Variants in MRPL39 observed in about 807,000 individuals in gnomAD.
The protein encoded by MRPL39 is mitochondrial ribosomal protein L39.
MRPL39 carries 35 observed loss-of-function variants against 44.5 expected under a neutral mutation model. The observed-to-expected ratio is 0.79, with a 90% CI of 0.60 to 1.04. The LOEUF is 1.04. MRPL39 is among the 50% of genes least tolerant of loss of function. The pLI, the probability that MRPL39 is intolerant of heterozygous loss-of-function variation, is 0.00. For synonymous variants in MRPL39, 139 were observed against 136.1 expected, an observed-to-expected ratio of 1.02 and a Z score of -0.15; for missense variants, 433 against 413.5, an observed-to-expected ratio of 1.05 and a Z score of -0.41.
intron 8 of MRPL39, among the ~76,000 whole-genome samples, chr21:25,591,096 A>C (rs9977683): frequency 0.73 from 106,556 of 146,338 alleles, 39,903 homozygotes; most frequent in Non-Finnish European, 0.82. Flanking sequence ...AAAAAAAAAA[A>C]AAAAAAACCT....
chr21:25,589,081 G>A (rs750270874), intron 8 of MRPL39, among the ~76,000 whole-genome samples, 199 bp from the exon 9 acceptor site: 2 of 152,112 alleles, frequency 1.3e-5, no homozygotes, highest in Non-Finnish European at 2.9e-5. Flanking sequence ...TTCTTCAATC[G>A]CATGAACCCG....
At chr21:25,605,730 CCT>C (rs1297532861) in intron 2 of MRPL39, among the ~76,000 whole-genome samples, 1 of 152,048 alleles carries the variant, frequency 6.6e-6, no homozygotes, top group African/African-American at 2.4e-5. Flanking sequence ...CCACAGCCAC[CCT>C]CTCTCTCAAA....
At chr21:25,590,972 C>T (rs2031157501) in intron 8 of MRPL39, among the ~76,000 whole-genome samples, 1 of 150,966 alleles carries the variant, frequency 6.6e-6, no homozygotes, top group Non-Finnish European at 1.5e-5. Context: ...AATAGGCCTA[C>T]ATAAATATGC....
chr21:25,606,178 C>A (rs1187559523), intron 2 of MRPL39, among the ~76,000 whole-genome samples: 1 of 152,142 alleles, frequency 6.6e-6, no homozygotes, highest in African/African-American at 2.4e-5. Flanking sequence ...GACAGGGTGG[C>A]TATGGTGCCC....
chr21:25,601,732 A>G (rs1214722250), intron 3 of MRPL39, among the ~76,000 whole-genome samples: 3 of 152,222 alleles, frequency 2.0e-5, no homozygotes, highest in Non-Finnish European at 2.9e-5. Context: ...CAACCCCGAC[A>G]GATAGTTTTA....
In MRPL39 at chr21:25,598,502, T is replaced by C. The variant is rs527767579; in HGVS notation, c.589-1088A>G. On this transcript the variant is annotated intron_variant, in intron 5 of 9. Transcript: ENST00000352957. Reference sequence around the variant, plus strand: ...AGTTATGTTTCACAGATAATGAAAATTAAATCTTGACCTCAGTTTTTACCT... The same window carrying C: ...AGTTATGTTTCACAGATAATGAAAACTAAATCTTGACCTCAGTTTTTACCT... Among the ~76,000 whole-genome samples, 185 of 150,462 alleles carry C rather than the reference T, an allele frequency of 1.2e-3. 1 individual carries two copies. The highest frequency in any genetic ancestry group is 4.4e-3 in the African/African-American group (179 of 41,016).
chr21:25,590,795 T>C (rs1363009352), intron 8 of MRPL39, among the ~76,000 whole-genome samples: 8 of 152,050 alleles, frequency 5.3e-5, no homozygotes, highest in Non-Finnish European at 1.0e-4. Flanking sequence ...AAATGGAAAC[T>C]CAAAGAGACT....
Position 25,603,865 on chromosome 21 carries a change from C to A in MRPL39, c.351G>T (p.Lys117Asn), listed in dbSNP as rs114037138. 6.2e-7 allele frequency: 1 copy of A among 1,612,910 alleles called. No individual in the cohort carries two copies. Among genetic ancestry groups the A allele is most frequent in the East Asian group, 2.2e-5 (1 of 44,850 alleles). ...TAATTTCACAGGACTTTGTTAAAGG[C>A]TTATACATGTCCCAAGGCTGTCCAT... ...LVDGQPWDMY[K>N]PLTKSCEIKF... Residue 117 changes from lysine to asparagine, a missense_variant, in exon 3 of 10, where the codon AAG becomes AAT. Transcript: ENST00000352957.
chr21:25,593,034 T>A, intron 7 of MRPL39, 69 bp from the exon 8 acceptor site: 1 of 1,318,256 alleles, frequency 7.6e-7, no homozygotes. Context: ...GAAAAAGAAA[T>A]CTCTTCCTTC....
chr21:25,586,651 T>C (rs1184216551), intron 9 of MRPL39, among the ~76,000 whole-genome samples: 2 of 152,210 alleles, frequency 1.3e-5, no homozygotes, highest in African/African-American at 4.8e-5. Context: ...CTATCCTACA[T>C]GTGACCTGTA....
Position 25,603,895 on chromosome 21 carries a change from C to T in MRPL39, c.321G>A (p.Leu107=). The T allele has an allele frequency of 6.2e-7, 1 of 1,612,152 alleles. No homozygotes were observed. Among genetic ancestry groups the T allele is most frequent in the Non-Finnish European group, 8.5e-7 (1 of 1,179,246 alleles). The change falls in exon 3 of 10, where the codon CTG becomes CTA. Residue 107 remains leucine, a synonymous_variant. Coordinates refer to ENST00000352957, the MANE Select transcript of MRPL39 (RefSeq NM_017446.4). The part of the protein sequence containing the change: ...EWYCRKSILA[L]VDGQPWDMYK... ...ACATGTCCCAAGGCTGTCCATCCAC[C>T]AGAGCCAGAATGGACTTCCTGCAAT...
chr21:25,596,211 G>A (rs547001590), intron 6 of MRPL39, among the ~76,000 whole-genome samples: 15 of 151,976 alleles, frequency 9.9e-5, no homozygotes, highest in African/African-American at 3.6e-4. Context: ...CCATTCTCCT[G>A]CCTCAGCCTC....
In MRPL39 at chr21:25,601,230, G is replaced by T. The variant is rs1352349896; in HGVS notation, c.520+138C>A. 3 of 418,070 alleles carry T rather than the reference G, an allele frequency of 7.2e-6. No individual in the cohort carries two copies. In the East Asian group the frequency reaches 1.2e-4, roughly 17 times the overall value. The allele number at this position is 418,070 out of a possible 1,614,324, so 25.9% of individuals were successfully genotyped here. A position where few individuals can be genotyped will look rare whatever the true frequency, so the allele number is the denominator to read the frequency against. ...AAAGACTACTTCATGTTTCATCATA[G>T]TAAGAAAGATTTTGTTACCCATGAT... On this transcript the variant is annotated intron_variant, in intron 4 of 9. Transcript: ENST00000352957.
chr21:25,594,730 G>A (rs2031302877), intron 6 of MRPL39, among the ~76,000 whole-genome samples: 1 of 152,010 alleles, frequency 6.6e-6, no homozygotes, highest in Non-Finnish European at 1.5e-5. Context: ...CTATATCTCT[G>A]CTTCTAATCT....
chr21:25,588,726 T>G, intron 9 of MRPL39, 109 bp downstream of exon 9: 1 of 1,059,510 alleles, frequency 9.4e-7, no homozygotes, highest in Non-Finnish European at 1.4e-6. Flanking sequence ...ACAACTTACT[T>G]TTTTCCTTTC....
At chr21:25,588,203 T>C (rs2031062852) in intron 9 of MRPL39, among the ~76,000 whole-genome samples, 1 of 151,942 alleles carries the variant, frequency 6.6e-6, no homozygotes, top group Non-Finnish European at 1.5e-5. Context: ...TCCCAGCTAC[T>C]TGGGAGGCTG....
intron 5 of MRPL39, among the ~76,000 whole-genome samples, chr21:25,597,822 G>A (rs989657531): frequency 1.3e-5 from 2 of 152,002 alleles, no homozygotes; most frequent in African/African-American, 4.8e-5. Context: ...TTAAATATAT[G>A]GGGAAAAATT....
chr21:25,599,457 T>G (rs1056694992), intron 5 of MRPL39, among the ~76,000 whole-genome samples: 1 of 152,084 alleles, frequency 6.6e-6, no homozygotes, highest in East Asian at 1.9e-4. Context: ...ATAGTTAAGT[T>G]TTTATATTTT....
In MRPL39 at chr21:25,603,897, G is replaced by C; in HGVS notation, c.319C>G (p.Leu107Val). 2 of 1,611,968 alleles carry C rather than the reference G, an allele frequency of 1.2e-6. No individual in the cohort carries two copies. The highest frequency in any genetic ancestry group is 1.7e-6 in the Non-Finnish European group (2 of 1,179,184). Residue 107 changes from leucine to valine, a missense_variant, in exon 3 of 10, where the codon CTG (leucine) becomes GTG (valine). Leu to Val is a conservative substitution (Grantham distance 32). Coordinates refer to ENST00000352957, the MANE Select transcript of MRPL39 (RefSeq NM_017446.4). ...EWYCRKSILA[L>V]VDGQPWDMYK... ...ATGTCCCAAGGCTGTCCATCCACCA[G>C]AGCCAGAATGGACTTCCTGCAATAC... is the stretch of plus-strand genomic sequence containing the variant.
Sources: gnomAD v4.1 joint callset for allele counts (sites outside exome capture counted in the v4.1 genomes callset) on GRCh38, gnomAD v4.1.1 for gene constraint, MANE v1.5 for transcripts, NCBI Gene and HGNC (gene_info 2026-07-23, HGNC 2026-07-21) for gene names.